The following TASP1 variants were observed in gnomAD, a reference collection of about 807,000 sequenced individuals.
TASP1 encodes threonine aspartase 1.
A neutral mutation model predicts 56.6 loss-of-function variants in TASP1; 16 were observed. That is an observed-to-expected ratio of 0.28 (90% confidence interval 0.19 to 0.43). TASP1 has a LOEUF of 0.43. TASP1 is among the 20% of genes least tolerant of loss of function. The pLI is 1.00. For synonymous variants in TASP1, 179 were observed against 184.2 expected (o/e 0.97, Z 0.23); for missense variants, 393 against 511.6 (o/e 0.77, Z 2.24).
At chr20:13,316,291 T>A in the TASP1 span, among the ~76,000 whole-genome samples, 1 of 151,940 alleles carries the variant, frequency 6.6e-6, no homozygotes, top group Non-Finnish European at 1.5e-5. Context: ...GGAAATTGAA[T>A]TGATAATTAA....
chr20:13,116,218 T>A, the TASP1 span, among the ~76,000 whole-genome samples: 1 of 152,192 alleles, frequency 6.6e-6, no homozygotes, highest in Non-Finnish European at 1.5e-5. Context: ...CTTAAGCTTA[T>A]TTTTTAATAC....
intron 10 of TASP1, among the ~76,000 whole-genome samples, chr20:13,484,105 A>AGGC (rs1351188424): frequency 1.3e-5 from 2 of 152,230 alleles, no homozygotes; most frequent in African/African-American, 4.8e-5. Context: ...AACCACAATG[A>AGGC]GATACCATCT....
chr20:13,137,367 G>A, the TASP1 span, among the ~76,000 whole-genome samples: 11 of 152,272 alleles, frequency 7.2e-5, no homozygotes, highest in South Asian at 2.1e-4. Context: ...CAGCTAATGG[G>A]ATGCTCCTCT....
chr20:13,495,921 C>T (rs1252120355), intron 10 of TASP1, among the ~76,000 whole-genome samples: 2 of 152,098 alleles, frequency 1.3e-5, no homozygotes, highest in African/African-American at 2.4e-5. Flanking sequence ...ACAGAATGCC[C>T]CATAAAAACC....
At chr20:13,451,239 T>C (rs1263865420) in intron 11 of TASP1, among the ~76,000 whole-genome samples, 1 of 152,056 alleles carries the variant, frequency 6.6e-6, no homozygotes, top group Admixed American at 6.6e-5. Context: ...CTAAGGGCCA[T>C]AGGATTTTTT....
chr20:13,603,602 T>C (rs565642271), intron 4 of TASP1, among the ~76,000 whole-genome samples: 1 of 152,162 alleles, frequency 6.6e-6, no homozygotes, highest in Non-Finnish European at 1.5e-5. Flanking sequence ...GGGAGAAATT[T>C]TATAAAACAT....
At chr20:13,408,160 C>T (rs1209141747) in intron 13 of TASP1, among the ~76,000 whole-genome samples, 1 of 152,068 alleles carries the variant, frequency 6.6e-6, no homozygotes, top group African/African-American at 2.4e-5. Flanking sequence ...AGATTTACTC[C>T]TAAGTCCTCC....
chr20:13,193,075 G>A, the TASP1 span, among the ~76,000 whole-genome samples: 3 of 152,046 alleles, frequency 2.0e-5, no homozygotes, highest in Non-Finnish European at 4.4e-5. Flanking sequence ...ACACTCTAGG[G>A]AAACCACTAA....
At chr20:13,409,199 A>G (rs1441517603) in intron 13 of TASP1, among the ~76,000 whole-genome samples, 1 of 152,030 alleles carries the variant, frequency 6.6e-6, no homozygotes, top group African/African-American at 2.4e-5. Context: ...CTCCTTATGA[A>G]CTTGAAAATA....
At chr20:13,494,947 A>G (rs368184219) in intron 10 of TASP1, among the ~76,000 whole-genome samples, 4 of 151,180 alleles carry the variant, frequency 2.6e-5, no homozygotes, top group African/African-American at 9.8e-5. Context: ...GCATTTCATG[A>G]GCCAGAAAAA....
At chr20:13,428,310 T>C (rs2146137823) in intron 12 of TASP1, among the ~76,000 whole-genome samples, 1 of 152,292 alleles carries the variant, frequency 6.6e-6, no homozygotes, top group Admixed American at 6.5e-5. Flanking sequence ...TATATTTGCA[T>C]ATATTCTAAT....
At chr20:13,299,065 C>T in the TASP1 span, 9 of 1,613,832 alleles carry the variant, frequency 5.6e-6, no homozygotes, top group East Asian at 4.5e-5. The surrounding 1 kb of genome is among the most constrained non-coding windows in gnomAD (Gnocchi z 5.8). Context: ...GCCTACAGCA[C>T]GGCCGACATC....
the TASP1 span, among the ~76,000 whole-genome samples, chr20:13,229,355 A>G: frequency 7.2e-4 from 110 of 152,260 alleles, no homozygotes; most frequent in Middle Eastern, 0.01. Flanking sequence ...GAGGCAACCA[A>G]TTTCTGGCTT....
At chr20:13,416,297 T>C (rs1325814156) in intron 13 of TASP1, among the ~76,000 whole-genome samples, 5 of 152,174 alleles carry the variant, frequency 3.3e-5, no homozygotes, top group South Asian at 4.1e-4. Flanking sequence ...AATTATGAAA[T>C]AAAGCAATAT....
At chr20:13,632,237 G>A (rs1378057238) in intron 1 of TASP1, among the ~76,000 whole-genome samples, 1 of 151,334 alleles carries the variant, frequency 6.6e-6, no homozygotes, top group Admixed American at 6.6e-5. Context: ...GCGCGTTCCT[G>A]TAATCCCAGC....
chr20:13,110,158 C>T, the TASP1 span: 148 of 1,613,632 alleles, frequency 9.2e-5, no homozygotes, highest in African/African-American at 1.9e-3. Flanking sequence ...TCATCTATGG[C>T]CAGCCTCGAA....
chr20:13,617,039 G>A (rs2048548174), intron 4 of TASP1: 1 of 455,416 alleles, frequency 2.2e-6, no homozygotes. Flanking sequence ...ATTCTTGGGA[G>A]AGGTGATTTT....
chr20:13,438,683 C>T (rs1230450184), intron 11 of TASP1, among the ~76,000 whole-genome samples: 3 of 152,134 alleles, frequency 2.0e-5, no homozygotes, highest in African/African-American at 7.2e-5. Flanking sequence ...AGAGCTTCTG[C>T]ACAGCAAAAG....
At position 13,607,535 on chromosome 20, in the gene TASP1, T is replaced by G. The variant is rs1413602655; in HGVS notation, c.282+15911A>C. Among the ~76,000 whole-genome samples the G allele has an allele frequency of 2.0e-5, 3 of 152,218 alleles. No homozygotes were observed. In the East Asian group the frequency reaches 5.8e-4, roughly 29 times the overall value. On this transcript the variant is annotated intron_variant, in intron 4 of 13. Coordinates refer to ENST00000337743, the MANE Select transcript of TASP1 (RefSeq NM_017714.3). ...TTCAAATATTGTACAAAAACTAGAC[T>G]GGCACATTATAAAATCATTTTTATA... is the stretch of plus-strand genomic sequence containing the variant.
Sources: allele counts gnomAD v4.1 joint callset (sites outside exome capture counted in the v4.1 genomes callset), GRCh38; gene constraint gnomAD v4.1.1; non-coding constraint Gnocchi (gnomAD v3.1); transcripts MANE v1.5; gene names NCBI Gene and HGNC (gene_info 2026-07-23, HGNC 2026-07-21).